ILDR1: variants seen among roughly 807,000 people sequenced by gnomAD.
ILDR1 encodes immunoglobulin like domain containing receptor 1, also known as immunoglobulin-like domain-containing receptor 1.
In ILDR1, 56 loss-of-function variants were observed where a neutral mutation model predicts 62.4. The observed-to-expected ratio is 0.90, with a 90% CI of 0.72 to 1.12. The LOEUF is 1.12. Ranked by LOEUF, ILDR1 falls within the 50% of genes most tolerant of loss-of-function variation. The probability of loss-of-function intolerance (pLI) is 0.00; values close to 1 mark genes in which losing one functional copy is unlikely to be tolerated. For synonymous variants in ILDR1, 284 were observed against 277.8 expected, an observed-to-expected ratio of 1.02 and a Z score of -0.22; for missense variants, 736 against 710.6, an observed-to-expected ratio of 1.04 and a Z score of -0.41.
the ILDR1 span, among the ~76,000 whole-genome samples, chr3:122,036,266 A>T: frequency 1.3e-5 from 2 of 152,180 alleles, no homozygotes; most frequent in African/African-American, 2.4e-5. Flanking sequence ...ATGAATAAAG[A>T]GATTATCTGA....
the ILDR1 span, among the ~76,000 whole-genome samples, chr3:122,039,759 C>T: frequency 3.9e-5 from 6 of 151,932 alleles, no homozygotes; most frequent in Non-Finnish European, 7.4e-5. Context: ...TTTATTGTTA[C>T]TTATATTTCA....
rs2071623274 is a variant in ILDR1 at position 122,007,035 on chromosome 3, A to C, written c.185T>G (p.Phe62Cys). The C allele has an allele frequency of 6.2e-7, 1 of 1,613,674 alleles. No individual in the cohort carries two copies. Among genetic ancestry groups the C allele is most frequent in the Non-Finnish European group, 8.5e-7 (1 of 1,180,026 alleles). The stretch of plus-strand genomic sequence containing the variant: ...GATAGGGTCCTTGCAGAAGGACTTG[A>C]AGCGCCATGTCACCACCACGTCCTG... ...QLQDVVVTWR[F>C]KSFCKDPIFD... Residue 62 changes from phenylalanine to cysteine, a missense_variant, in exon 2 of 8, where the codon TTC becomes TGC. By Grantham distance (205) the Phe-to-Cys change is radical. Coordinates refer to ENST00000344209, the MANE Select transcript of ILDR1 (RefSeq NM_001199799.2).
intron 4 of ILDR1, 44 bp downstream of exon 4, chr3:122,001,701 A>C (rs1347553338): frequency 6.2e-7 from 1 of 1,603,868 alleles, no homozygotes. Flanking sequence ...TAAAAGTGTT[A>C]CGGCAGTGAG....
intron 1 of ILDR1, among the ~76,000 whole-genome samples, chr3:122,019,918 G>T (rs2071832626): frequency 6.6e-6 from 1 of 152,178 alleles, no homozygotes; most frequent in Non-Finnish European, 1.5e-5. Context: ...CACTGTGCTT[G>T]ACCTTAATCC....
the ILDR1 span, among the ~76,000 whole-genome samples, chr3:122,031,131 A>T: frequency 1.1e-4 from 16 of 152,192 alleles, no homozygotes; most frequent in Admixed American, 2.0e-4. Context: ...ATAACATGTG[A>T]TATTACATTC....
At chr3:121,990,154 A>G (rs2071320416) in intron 7 of ILDR1, among the ~76,000 whole-genome samples, 1 of 152,200 alleles carries the variant, frequency 6.6e-6, no homozygotes, top group Admixed American at 6.5e-5. Flanking sequence ...AGAGGCTAGG[A>G]AGGCAGCCTG....
At position 122,005,281 on chromosome 3, in the gene ILDR1, C is replaced by A. The variant is rs760927728; in HGVS notation, c.342G>T (p.Gly114=). The change falls in exon 3 of 8, where the codon GGG becomes GGT. Residue 114 remains glycine (G), a synonymous_variant. Coordinates refer to ENST00000344209, the MANE Select transcript of ILDR1 (RefSeq NM_001199799.2). ...TGATCTTGCGCTGCCGGTAATCTACCCCCAGCACGGGCTCATTCTGCCCCC... is the reference window on the plus strand; with the variant it reads ...TGATCTTGCGCTGCCGGTAATCTACACCCAGCACGGGCTCATTCTGCCCCC... ...QRRGQNEPVL[G]VDYRQRKITI... 2 of 1,613,816 alleles carry A rather than the reference C, an allele frequency of 1.2e-6. No individual in the cohort carries two copies. The highest frequency in any genetic ancestry group is 1.1e-5 in the South Asian group (1 of 91,032).
chr3:122,012,792 G>A (rs1260674869), intron 1 of ILDR1, among the ~76,000 whole-genome samples: 1 of 152,142 alleles, frequency 6.6e-6, no homozygotes. Flanking sequence ...ACTGAGACTA[G>A]CATGTAAAAG....
At chr3:122,012,837 T>C (rs1444409154) in intron 1 of ILDR1, among the ~76,000 whole-genome samples, 2 of 152,222 alleles carry the variant, frequency 1.3e-5, no homozygotes, top group East Asian at 3.8e-4. Flanking sequence ...TAAACTATCA[T>C]GATTGTCTTC....
chr3:122,028,136 G>C, the ILDR1 span, among the ~76,000 whole-genome samples: 14 of 151,896 alleles, frequency 9.2e-5, no homozygotes, highest in Admixed American at 7.2e-4. Context: ...GAGCATCCTG[G>C]CTAACATGGT....
chr3:121,995,130 G>C (rs1004146763), intron 5 of ILDR1, among the ~76,000 whole-genome samples: 1 of 152,224 alleles, frequency 6.6e-6, no homozygotes, highest in Non-Finnish European at 1.5e-5. Flanking sequence ...ACAACCCGCA[G>C]TGAGTACAAA....
At chr3:122,034,362 C>A in the ILDR1 span, among the ~76,000 whole-genome samples, 8 of 152,108 alleles carry the variant, frequency 5.3e-5, no homozygotes, top group African/African-American at 1.9e-4. Context: ...ATCCATATGA[C>A]AAGAAAATCC....
At chr3:122,029,227 C>T in the ILDR1 span, among the ~76,000 whole-genome samples, 4 of 151,924 alleles carry the variant, frequency 2.6e-5, no homozygotes, top group Non-Finnish European at 5.9e-5. Context: ...TACAGGGGGG[C>T]CGGGTGTGGT....
the ILDR1 span, among the ~76,000 whole-genome samples, chr3:122,059,586 G>A: frequency 6.6e-6 from 1 of 151,720 alleles, no homozygotes; most frequent in Admixed American, 6.6e-5. Context: ...ATGCAAGAAA[G>A]AGGAGAATGC....
intron 1 of ILDR1, among the ~76,000 whole-genome samples, chr3:122,008,211 G>C (rs750752175): frequency 2.0e-5 from 3 of 152,206 alleles, no homozygotes; most frequent in Non-Finnish European, 4.4e-5. Flanking sequence ...AAGAAATTAA[G>C]AGGAGATTTT....
chr3:122,024,020 C>A (rs956788957), upstream of ILDR1, among the ~76,000 whole-genome samples: 2 of 151,954 alleles, frequency 1.3e-5, no homozygotes, highest in Non-Finnish European at 2.9e-5. Context: ...ATACCTCCCC[C>A]CCATACCCCT....
At chr3:122,053,654 A>G in the ILDR1 span, among the ~76,000 whole-genome samples, 6 of 152,334 alleles carry the variant, frequency 3.9e-5, no homozygotes, top group African/African-American at 1.4e-4. Context: ...AGCCAGGATT[A>G]CAGGTATGTG....
the ILDR1 span, among the ~76,000 whole-genome samples, chr3:122,048,868 T>C: frequency 3.3e-5 from 5 of 152,174 alleles, no homozygotes; most frequent in African/African-American, 7.2e-5. Context: ...ACACCTGGCC[T>C]CAAGTGATCC....
the ILDR1 span, among the ~76,000 whole-genome samples, chr3:122,058,265 G>A: frequency 6.6e-6 from 1 of 152,134 alleles, no homozygotes; most frequent in African/African-American, 2.4e-5. Context: ...TGCCTGGCAG[G>A]ACAACCCCAA....
Sources: allele counts gnomAD v4.1 joint callset (sites outside exome capture counted in the v4.1 genomes callset), GRCh38; gene constraint gnomAD v4.1.1; transcripts MANE v1.5; gene names NCBI Gene and HGNC (gene_info 2026-07-23, HGNC 2026-07-21).